Variants in SUPT20HL1 observed in about 807,000 individuals in gnomAD.
SUPT20HL1 encodes the protein transcription factor SPT20 homolog-like 1.
For missense variants in SUPT20HL1, 277 were observed against 200.3 expected, an observed-to-expected ratio of 1.38 and a Z score of -2.31; for synonymous variants, 133 against 79.2, an observed-to-expected ratio of 1.68 and a Z score of -3.61.
Position 24,363,818 on chromosome X carries a change from G to A in SUPT20HL1, c.1058G>A (p.Ser353Asn), listed in dbSNP as rs1207582. The A allele has an allele frequency of 5.2e-5, 20 of 387,924 alleles. No individual in the cohort carries two copies. Among genetic ancestry groups the A allele is most frequent in the Non-Finnish European group, 6.2e-5 (12 of 194,240 alleles). 32.0% of individuals were successfully genotyped at this position (387,924 alleles called of 1,213,427 possible). A position where few individuals can be genotyped will look rare whatever the true frequency, so the allele number is the denominator to read the frequency against. The change falls in exon 1 of 1, where the codon AGC becomes AAC. Residue 353 changes from serine to asparagine, a missense_variant. Transcript: ENST00000686983. ...TGTCAGGCCTGGGACACCAAGCCAA[G>A]CATCATGCAGTCGTTTAATGATCCG... ...AGCQAWDTKP[S>N]IMQSFNDPLL... is the part of the protein sequence containing the mutation.
At position 24,364,263 on chromosome X, in the gene SUPT20HL1, T is replaced by A. The variant is rs1381425211; in HGVS notation, c.1503T>A (p.Ala501=). 1 of 836,201 alleles carries A rather than the reference T, an allele frequency of 1.2e-6. No individual in the cohort carries two copies. Among genetic ancestry groups the A allele is most frequent in the Admixed American group, 2.8e-5 (1 of 35,338 alleles). 68.9% of individuals were successfully genotyped at this position (836,201 alleles called of 1,213,427 possible). Residue 501 remains alanine, a synonymous_variant, in exon 1 of 1, where the codon GCT becomes GCA. Transcript: ENST00000686983. ...TTTCTGCTGCTGCTGCTATTGCTGCTGCTGCTGCTGCTGCTGCTGCTGCTG... is the reference window on the plus strand; with the variant it reads ...TTTCTGCTGCTGCTGCTATTGCTGCAGCTGCTGCTGCTGCTGCTGCTGCTG... The part of the protein sequence containing the change: ...RPFSAAAAIA[A]AAAAAAAAAA...
rs868581938 is a variant in SUPT20HL1, at chrX:24,364,619, C to T, written c.1859C>T (p.Ala620Val). Residue 620 changes from alanine (A) to valine (V), a missense_variant, in exon 1 of 1, where the codon GCC becomes GTC. Transcript: ENST00000686983. ...AINVEGPVQG[A>V]QALGSSFKPV... ...AATGTGGAGGGCCCAGTCCAGGGAGCCCAGGCTTTGGGGAGCAGTTTCAAG... is the reference window on the plus strand; with the variant it reads ...AATGTGGAGGGCCCAGTCCAGGGAGTCCAGGCTTTGGGGAGCAGTTTCAAG... 2 of 504,159 alleles carry T rather than the reference C, an allele frequency of 4.0e-6. No individual in the cohort carries two copies. Among genetic ancestry groups the T allele is most frequent in the Middle Eastern group, 6.9e-4 (2 of 2,908 alleles). 41.5% of individuals were successfully genotyped at this position (504,159 alleles called of 1,213,427 possible). A position where few individuals can be genotyped will look rare whatever the true frequency, so the allele number is the denominator to read the frequency against.
At position 24,363,970 on chromosome X, in the gene SUPT20HL1, G is replaced by A; in HGVS notation, c.1210G>A (p.Ala404Thr). 2.0e-6 allele frequency: 1 copy of A among 489,148 alleles called. No homozygotes were observed. Among genetic ancestry groups the A allele is most frequent in the African/African-American group, 2.3e-5 (1 of 42,616 alleles). The allele number at this position is 489,148 out of a possible 1,213,427, so 40.3% of individuals were successfully genotyped here. A position where few individuals can be genotyped will look rare whatever the true frequency, so the allele number is the denominator to read the frequency against. ...TGGGTCAGAGACTGATGCTGGGAGG[G>A]CAGTGAGTCAGGCCCAGGAATCGGT... Reference protein sequence around the residue: ...RPGSETDAGRAVSQAQESVQS... With the variant: ...RPGSETDAGRTVSQAQESVQS... The change falls in exon 1 of 1, where the codon GCA becomes ACA. Residue 404 changes from alanine (A) to threonine (T), a missense_variant. By Grantham distance (58) the Ala-to-Thr change is moderately conservative (BLOSUM62 0). Transcript: ENST00000686983.
chrX:24,367,251 C>T lies in SUPT20HL1; in HGVS notation c.*1827C>T, dbSNP rs1395824026. 2.7e-5 allele frequency among the ~76,000 whole-genome samples: 3 copies of T among 112,374 alleles called. No homozygotes were observed. The highest frequency in any genetic ancestry group is 9.7e-5 in the African/African-American group (3 of 30,887). The stretch of plus-strand genomic sequence containing the variant: ...TGGTTTTTGTCTGCCTTTTGGCTGT[C>T]GTGCATAGGGCTGCTGTCAACATTT... On this transcript the variant is annotated 3_prime_UTR_variant, in exon 1 of 1. Coordinates refer to ENST00000686983, the MANE Select transcript of SUPT20HL1 (RefSeq NM_001136234.3).
At position 24,364,175 on chromosome X, in the gene SUPT20HL1, G is replaced by A. The variant is rs765787789; in HGVS notation, c.1415G>A (p.Gly472Glu). Reference sequence around the variant, plus strand: ...CGCACCCAACTTCCCTCAAGCTCAGGAAAGATTTCCTCAGGTAACAGTTTT... The same window carrying A: ...CGCACCCAACTTCCCTCAAGCTCAGAAAAGATTTCCTCAGGTAACAGTTTT... The part of the protein sequence containing the change: ...PPRTQLPSSS[G>E]KISSGNSFPP... The change falls in exon 1 of 1, where the codon GGA becomes GAA. Residue 472 changes from glycine to glutamate, a missense_variant. By Grantham distance (98) the Gly-to-Glu change is moderately conservative. Coordinates refer to ENST00000686983, the MANE Select transcript of SUPT20HL1 (RefSeq NM_001136234.3). 5 of 702,301 alleles carry A rather than the reference G, an allele frequency of 7.1e-6. No homozygotes were observed. Among genetic ancestry groups the A allele is most frequent in the Non-Finnish European group, 1.1e-5 (5 of 440,807 alleles). The allele number at this position is 702,301 out of a possible 1,213,427, so 57.9% of individuals were successfully genotyped here.
At position 24,364,451 on chromosome X, in the gene SUPT20HL1, C is replaced by T. The variant is rs763844539; in HGVS notation, c.1691C>T (p.Ala564Val). 43 of 551,945 alleles carry T rather than the reference C, an allele frequency of 7.8e-5. No individual in the cohort carries two copies. Among genetic ancestry groups the T allele is most frequent in the Admixed American group, 3.5e-4 (14 of 40,200 alleles). 45.5% of individuals were successfully genotyped at this position (551,945 alleles called of 1,213,427 possible). The change falls in exon 1 of 1, where the codon GCG becomes GTG. Residue 564 changes from alanine (A) to valine (V), a missense_variant. By Grantham distance (64) the Ala-to-Val change is moderately conservative. Coordinates refer to ENST00000686983, the MANE Select transcript of SUPT20HL1 (RefSeq NM_001136234.3). ...VAAAPAAAASAAPSHSQKPSV... is the reference protein window; with the variant it reads ...VAAAPAAAASVAPSHSQKPSV... The stretch of plus-strand genomic sequence containing the variant: ...GCTGCTCCTGCTGCTGCTGCTTCTG[C>T]GGCACCAAGTCATTCTCAGAAGCCC...
chrX:24,363,432 G>A lies in SUPT20HL1; in HGVS notation c.672G>A (p.Leu224=), dbSNP rs1267808053. 5.2e-6 allele frequency: 2 copies of A among 387,057 alleles called. No individual in the cohort carries two copies. The highest frequency in any genetic ancestry group is 2.3e-5 in the South Asian group (1 of 42,954). The allele number at this position is 387,057 out of a possible 1,213,427, so 31.9% of individuals were successfully genotyped here. A position where few individuals can be genotyped will look rare whatever the true frequency, so the allele number is the denominator to read the frequency against. Reference sequence around the variant, plus strand: ...TTGCCTGCACTGCAAACAGGCTGCTGTACAACAAGCAAAAGATGAATACCG... The same window carrying A: ...TTGCCTGCACTGCAAACAGGCTGCTATACAACAAGCAAAAGATGAATACCG... ...VAVACTANRL[L]YNKQKMNTDP... is the part of the protein sequence containing the mutation. Residue 224 remains leucine, a synonymous_variant, in exon 1 of 1, where the codon CTG becomes CTA. Transcript: ENST00000686983.
chrX:24,362,669 G>T lies in SUPT20HL1; in HGVS notation c.-92G>T, dbSNP rs1265776086. On this transcript the variant is annotated 5_prime_UTR_variant, in exon 1 of 1. Coordinates refer to ENST00000686983, the MANE Select transcript of SUPT20HL1 (RefSeq NM_001136234.3). ...AGTGTGGACTTGTGGCATCTTGCGGGCCTGTAGATTAATATGACAGCCGTG... is the reference window on the plus strand; with the variant it reads ...AGTGTGGACTTGTGGCATCTTGCGGTCCTGTAGATTAATATGACAGCCGTG... 1 of 353,516 alleles carries T rather than the reference G, an allele frequency of 2.8e-6. No individual in the cohort carries two copies. Among genetic ancestry groups the T allele is most frequent in the Non-Finnish European group, 5.7e-6 (1 of 176,595 alleles). The allele number at this position is 353,516 out of a possible 1,213,427, so 29.1% of individuals were successfully genotyped here.
rs190803325 is a variant in SUPT20HL1, at chrX:24,367,401, G to A, written c.*1977G>A. 8.9e-6 allele frequency among the ~76,000 whole-genome samples: 1 copy of A among 112,284 alleles called. No homozygotes were observed. Among genetic ancestry groups the A allele is most frequent in the East Asian group, 2.8e-4 (1 of 3,589 alleles). On this transcript the variant is annotated 3_prime_UTR_variant, in exon 1 of 1. Coordinates refer to ENST00000686983, the MANE Select transcript of SUPT20HL1 (RefSeq NM_001136234.3). ...ATGTTTCTCTGCCTTTTGCCTTAACGAAATGAAAAGAAGTTTGGTCTGGCA... is the reference window on the plus strand; with the variant it reads ...ATGTTTCTCTGCCTTTTGCCTTAACAAAATGAAAAGAAGTTTGGTCTGGCA...
Position 24,364,302 on chromosome X carries a change from T to TGCTCCTGCTCCTGCTCTA in SUPT20HL1, c.1545_1546insCCTGCTCCTGCTCTAGCT (p.Ala515_Ala516insProAlaProAlaLeuAla). On this transcript the variant is annotated inframe_insertion, in exon 1 of 1. Transcript: ENST00000686983. ...CTGCTGCTGCTGCTGCTGCTGCTGC[T>TGCTCCTGCTCCTGCTCTA]GCTGCTGCTCCTGCTCCTGCTCTAG... 1.0e-6 allele frequency: 1 copy of TGCTCCTGCTCCTGCTCTA among 968,415 alleles called. No homozygotes were observed. The highest frequency in any genetic ancestry group is 1.4e-6 in the Non-Finnish European group (1 of 709,193). 79.8% of individuals were successfully genotyped at this position (968,415 alleles called of 1,213,427 possible).
At position 24,362,529 on chromosome X, in the gene SUPT20HL1, C is replaced by T. The variant is rs1205064950; in HGVS notation, c.-232C>T. Among the ~76,000 whole-genome samples, 93 of 105,580 alleles carry T rather than the reference C, an allele frequency of 8.8e-4. No individual in the cohort carries two copies. Among genetic ancestry groups the T allele is most frequent in the Non-Finnish European group, 1.4e-3 (71 of 51,213 alleles). The allele number at this position is 105,580 out of a possible 115,157, so 91.7% of individuals were successfully genotyped here. The stretch of plus-strand genomic sequence containing the variant: ...ACTTCCGTTCCAGGCCGCAGAGACG[C>T]GAAGTCCGGCCACGACGACGACCCC... On this transcript the variant is annotated 5_prime_UTR_variant, in exon 1 of 1. Transcript: ENST00000686983.
rs1939492804 is a variant in SUPT20HL1, at chrX:24,367,622, G to A, written c.*2198G>A. ...AATGGTGCCTGCACTTTTAAGAAGCGAACCAGTGCAACGACTGGTTGCAAA... is the reference window on the plus strand; with the variant it reads ...AATGGTGCCTGCACTTTTAAGAAGCAAACCAGTGCAACGACTGGTTGCAAA... On this transcript the variant is annotated 3_prime_UTR_variant, in exon 1 of 1. Coordinates refer to ENST00000686983, the MANE Select transcript of SUPT20HL1 (RefSeq NM_001136234.3). 3.6e-5 allele frequency among the ~76,000 whole-genome samples: 4 copies of A among 112,384 alleles called. No individual in the cohort carries two copies. The highest frequency in any genetic ancestry group is 1.3e-4 in the African/African-American group (4 of 30,941).
rs2148150903 is a variant in SUPT20HL1, at chrX:24,364,580, G to A, written c.1820G>A (p.Gly607Asp). The change falls in exon 1 of 1, where the codon GGC becomes GAC. Residue 607 changes from glycine (G) to aspartate (D), a missense_variant. By Grantham distance (94) the Gly-to-Asp change is moderately conservative. Transcript: ENST00000686983. ...PAIQLRTGSTGLKAINVEGPV... is the reference protein window; with the variant it reads ...PAIQLRTGSTDLKAINVEGPV... ...ATTCAGTTGAGGACAGGCTCCACTG[G>A]CCTAAAGGCCATCAATGTGGAGGGC... 1.9e-6 allele frequency: 1 copy of A among 530,713 alleles called. No homozygotes were observed. Among genetic ancestry groups the A allele is most frequent in the East Asian group, 3.8e-5 (1 of 26,406 alleles). 43.7% of individuals were successfully genotyped at this position (530,713 alleles called of 1,213,427 possible).
At position 24,366,364 on chromosome X, in the gene SUPT20HL1, C is replaced by G. The variant is rs56952799; in HGVS notation, c.*940C>G. 0.041 allele frequency among the ~76,000 whole-genome samples: 4,560 copies of G among 111,410 alleles called. 168 individuals carry two copies. Among genetic ancestry groups the G allele is most frequent in the East Asian group, 0.16 (577 of 3,525 alleles). On this transcript the variant is annotated 3_prime_UTR_variant, in exon 1 of 1. Coordinates refer to ENST00000686983, the MANE Select transcript of SUPT20HL1 (RefSeq NM_001136234.3). ...AAATGAAAAAGTACAATACAGTGATCCTTGTCACACTGCGATTGAATACAT... is the reference window on the plus strand; with the variant it reads ...AAATGAAAAAGTACAATACAGTGATGCTTGTCACACTGCGATTGAATACAT...
Position 24,365,512 on chromosome X carries a change from T to C in SUPT20HL1, c.*88T>C, listed in dbSNP as rs1383514824. 3.3e-6 allele frequency: 1 copy of C among 305,442 alleles called. No individual in the cohort carries two copies. The highest frequency in any genetic ancestry group is 8.1e-5 in the East Asian group (1 of 12,356). 25.2% of individuals were successfully genotyped at this position (305,442 alleles called of 1,213,427 possible). ...TTTTTACTTGAGTTTTGTTTTTTTT[T>C]TCATGTTTCGGTATTTTACATTTTA... On this transcript the variant is annotated 3_prime_UTR_variant, in exon 1 of 1. Coordinates refer to ENST00000686983, the MANE Select transcript of SUPT20HL1 (RefSeq NM_001136234.3).
Position 24,366,132 on chromosome X carries a change from C to T in SUPT20HL1, c.*708C>T, listed in dbSNP as rs1375416727. On this transcript the variant is annotated 3_prime_UTR_variant, in exon 1 of 1. Coordinates refer to ENST00000686983, the MANE Select transcript of SUPT20HL1 (RefSeq NM_001136234.3). ...GTCTTATCTCACTTGGCATAATGTC[C>T]TCATGATCTATCCCTGCTGTCTCAT... Among the ~76,000 whole-genome samples the T allele has an allele frequency of 9.0e-6, 1 of 111,572 alleles. No individual in the cohort carries two copies. Among genetic ancestry groups the T allele is most frequent in the Non-Finnish European group, 1.9e-5 (1 of 53,158 alleles).
Position 24,362,647 on chromosome X carries a change from G to T in SUPT20HL1, c.-114G>T. ...GGCAGATGCCCACGTTGAACTCAGT[G>T]TGGACTTGTGGCATCTTGCGGGCCT... On this transcript the variant is annotated 5_prime_UTR_variant, in exon 1 of 1. Coordinates refer to ENST00000686983, the MANE Select transcript of SUPT20HL1 (RefSeq NM_001136234.3). 1 of 363,024 alleles carries T rather than the reference G, an allele frequency of 2.8e-6. No homozygotes were observed. The highest frequency in any genetic ancestry group is 2.8e-5 in the Admixed American group (1 of 36,175). 29.9% of individuals were successfully genotyped at this position (363,024 alleles called of 1,213,427 possible). A position where few individuals can be genotyped will look rare whatever the true frequency, so the allele number is the denominator to read the frequency against.
At position 24,365,643 on chromosome X, in the gene SUPT20HL1, T is replaced by G. The variant is rs1355745117; in HGVS notation, c.*219T>G. On this transcript the variant is annotated 3_prime_UTR_variant, in exon 1 of 1. Coordinates refer to ENST00000686983, the MANE Select transcript of SUPT20HL1 (RefSeq NM_001136234.3). ...GCTTAAGTTACTCTTTTTGTTGTCA[T>G]TGCTGCTGTCGATATAATTATTTTT... Among the ~76,000 whole-genome samples the G allele has an allele frequency of 8.9e-6, 1 of 112,083 alleles. No individual in the cohort carries two copies. The highest frequency in any genetic ancestry group is 3.7e-4 in the South Asian group (1 of 2,709).
rs1330845368 is a variant in SUPT20HL1, at chrX:24,362,297, G to A, written c.-464G>A. Reference sequence around the variant, plus strand: ...CCTGCGGTGCAGCGAGTGCACATGCGCATAGACGGGGCCCAGGAGCTGACC... The same window carrying A: ...CCTGCGGTGCAGCGAGTGCACATGCACATAGACGGGGCCCAGGAGCTGACC... On this transcript the variant is annotated 5_prime_UTR_variant, in exon 1 of 1. Coordinates refer to ENST00000686983, the MANE Select transcript of SUPT20HL1 (RefSeq NM_001136234.3). Among the ~76,000 whole-genome samples, 2 of 112,813 alleles carry A rather than the reference G, an allele frequency of 1.8e-5. No individual in the cohort carries two copies. Among genetic ancestry groups the A allele is most frequent in the African/African-American group, 6.4e-5 (2 of 31,079 alleles).
Sources: gnomAD v4.1 joint callset for allele counts (sites outside exome capture counted in the v4.1 genomes callset) on GRCh38, gnomAD v4.1.1 for gene constraint, MANE v1.5 for transcripts, NCBI Gene and HGNC (gene_info 2026-07-23, HGNC 2026-07-21) for gene names.